NPHP1: variants seen among roughly 807,000 people sequenced by gnomAD.
The protein encoded by NPHP1 is nephrocystin-1.
A neutral mutation model predicts 90.4 loss-of-function variants in NPHP1; 70 were observed. The ratio of observed to expected loss-of-function variants is 0.77; its 90% CI spans 0.64 to 0.95. The LOEUF is 0.95. Among genes scored for constraint, NPHP1 ranks in the 40% least tolerant of loss-of-function variants. The probability of loss-of-function intolerance (pLI) is 0.00; values close to 1 mark genes in which losing one functional copy is unlikely to be tolerated. For synonymous variants in NPHP1, 256 were observed against 271.7 expected (o/e 0.94, Z 0.57); for missense variants, 764 against 795.9 (o/e 0.96, Z 0.48).
chr2:110,165,196 C>T (rs1450158447), intron 6 of NPHP1, 41 bp from the exon 7 acceptor site: 4 of 1,457,520 alleles, frequency 2.7e-6, no homozygotes, highest in South Asian at 1.1e-5. Flanking sequence ...TTAACTAATG[C>T]AAAAAACAAC....
intron 11 of NPHP1, among the ~76,000 whole-genome samples, chr2:110,151,479 T>G (rs1346053747): frequency 6.6e-6 from 1 of 152,136 alleles, no homozygotes; most frequent in Non-Finnish European, 1.5e-5. Flanking sequence ...ATTTTTATTT[T>G]AGATGAAAAT....
At chr2:110,135,440 G>A (rs1680103821) in intron 16 of NPHP1, among the ~76,000 whole-genome samples, 1 of 118,926 alleles carries the variant, frequency 8.4e-6, no homozygotes, top group South Asian at 2.7e-4. Context: ...TTGCGCCACC[G>A]CACTCCAACC....
At chr2:110,141,986 A>AAAG (rs1680678093) in intron 16 of NPHP1, among the ~76,000 whole-genome samples, 2 of 151,212 alleles carry the variant, frequency 1.3e-5, no homozygotes, top group African/African-American at 4.9e-5. Context: ...AAAAAAAAAA[A>AAAG]AAAGAAAGAA....
At chr2:110,147,757 C>A (rs1320295014) in intron 13 of NPHP1, among the ~76,000 whole-genome samples, 159 bp downstream of exon 13, 1 of 152,136 alleles carries the variant, frequency 6.6e-6, no homozygotes, top group African/African-American at 2.4e-5. Context: ...GAAAACAAAT[C>A]AGCACACATA....
In NPHP1 at chr2:110,144,515, C is replaced by T. The variant is rs1284022173; in HGVS notation, c.1407G>A (p.Val469=). The change falls in exon 15 of 20, where the codon GTG becomes GTA. Residue 469 remains valine (V), a synonymous_variant. Coordinates refer to ENST00000445609, the MANE Select transcript of NPHP1 (RefSeq NM_001128178.3). The part of the protein sequence containing the change: ...GGTPYEKGIE[V]DPSISRRAHG... The stretch of plus-strand genomic sequence containing the variant: ...TACCTCTTCTGGATATTGAAGGGTC[C>T]ACTTCAATACCTTTTTCATAAGGAG... 5.6e-6 allele frequency: 9 copies of T among 1,606,310 alleles called. No homozygotes were observed. The highest frequency in any genetic ancestry group is 7.7e-6 in the Non-Finnish European group (9 of 1,173,138).
rs1247555786 is a variant in NPHP1 at position 110,163,316 on chromosome 2, C to T, written c.772-181G>A. On this transcript the variant is annotated intron_variant, in intron 8 of 19. Coordinates refer to ENST00000445609, the MANE Select transcript of NPHP1 (RefSeq NM_001128178.3). Reference sequence around the variant, plus strand: ...GGATGCCATCACAGCACCCTGGCCTCTCCTAAGGACCTAAGCCCCATACAG... The same window carrying T: ...GGATGCCATCACAGCACCCTGGCCTTTCCTAAGGACCTAAGCCCCATACAG... 23 of 608,442 alleles carry T rather than the reference C, an allele frequency of 3.8e-5. No homozygotes were observed. In the East Asian group the frequency reaches 5.5e-4, roughly 15 times the overall value. 37.7% of individuals were successfully genotyped at this position (608,442 alleles called of 1,614,324 possible).
rs376974221 is a variant in NPHP1 at position 110,178,422 on chromosome 2, C to T, written c.329+1G>A. The T allele has an allele frequency of 1.9e-6, 3 of 1,613,498 alleles. No individual in the cohort carries two copies. Among genetic ancestry groups the T allele is most frequent in the Non-Finnish European group, 2.5e-6 (3 of 1,179,766 alleles). On this transcript the variant is annotated splice_donor_variant, in intron 4 of 19. Transcript: ENST00000445609. LOFTEE classifies it high-confidence loss of function. ...AAAAGAAAGGTAGAAAGGAAGCATA[C>T]TCAGTTATATTTTCTCTGCTTATTG...
intron 11 of NPHP1, among the ~76,000 whole-genome samples, chr2:110,151,835 C>T (rs1232775952): frequency 6.6e-6 from 1 of 152,118 alleles, no homozygotes; most frequent in African/African-American, 2.4e-5. Context: ...TTCTAATGGC[C>T]AAGAAGTCCT....
chr2:110,186,163 G>C (rs1415205478), intron 2 of NPHP1, among the ~76,000 whole-genome samples: 1 of 152,110 alleles, frequency 6.6e-6, no homozygotes, highest in African/African-American at 2.4e-5. Flanking sequence ...TATACTCAAA[G>C]ACACTCCCAC....
At chr2:110,199,079 G>A (rs775313592) in intron 2 of NPHP1, among the ~76,000 whole-genome samples, 1 of 151,948 alleles carries the variant, frequency 6.6e-6, no homozygotes, top group African/African-American at 2.4e-5. Context: ...TATGAAAACA[G>A]GAACATGATG....
chr2:110,155,736 A>G (rs1202752803), intron 11 of NPHP1, among the ~76,000 whole-genome samples: 3 of 152,144 alleles, frequency 2.0e-5, no homozygotes, highest in Admixed American at 2.0e-4. Flanking sequence ...GGCTGCATTT[A>G]CCCAATGCCT....
chr2:110,182,415 C>A (rs1183318498), intron 2 of NPHP1, among the ~76,000 whole-genome samples: 1 of 151,698 alleles, frequency 6.6e-6, no homozygotes, highest in Non-Finnish European at 1.5e-5. Context: ...AAAGGAAGCT[C>A]ATCAGACTAA....
intron 15 of NPHP1, 34 bp from the exon 16 acceptor site, chr2:110,143,675 T>C (rs766016349): frequency 1.1e-5 from 15 of 1,407,856 alleles, no homozygotes; most frequent in Middle Eastern, 1.8e-4. Flanking sequence ...CTCACGAAAC[T>C]TTAAGTACTT....
chr2:110,146,671 A>C (rs1681072786), intron 14 of NPHP1, 82 bp downstream of exon 14: 3 of 1,017,002 alleles, frequency 2.9e-6, no homozygotes, highest in Admixed American at 1.7e-5. Context: ...GCATGCTCAT[A>C]GAACAAACCT....
chr2:110,198,821 G>A lies in NPHP1; in HGVS notation c.143+2600C>T, dbSNP rs549928313. On this transcript the variant is annotated intron_variant, in intron 2 of 19. Coordinates refer to ENST00000445609, the MANE Select transcript of NPHP1 (RefSeq NM_001128178.3). The stretch of plus-strand genomic sequence containing the variant: ...CCCCTCTCTATCTAACAGTAGAAAA[G>A]CCCATGAGAGCTCTCTGGAATAATC... 1.2e-4 allele frequency among the ~76,000 whole-genome samples: 18 copies of A among 152,170 alleles called. 1 individual carries two copies. The South Asian group carries it at 2.5e-3, about 21-fold the overall frequency.
At chr2:110,197,147 G>A (rs1265906813) in intron 2 of NPHP1, among the ~76,000 whole-genome samples, 5 of 152,102 alleles carry the variant, frequency 3.3e-5, no homozygotes, top group African/African-American at 4.8e-5. Context: ...TATTAGAGGA[G>A]GGAGAGCATC....
intron 12 of NPHP1, 143 bp downstream of exon 12, chr2:110,150,038 GA>G (rs1266998574): frequency 1.4e-6 from 1 of 733,490 alleles, no homozygotes; most frequent in African/African-American, 1.7e-5. Flanking sequence ...TCAGAAACAT[GA>G]GTAATTTTTA....
intron 2 of NPHP1, among the ~76,000 whole-genome samples, chr2:110,199,227 G>A (rs942954212): frequency 5.9e-5 from 9 of 152,062 alleles, no homozygotes; most frequent in Admixed American, 1.3e-4. Context: ...GAAGTCGGGA[G>A]TTTGAGAGCA....
At chr2:110,161,896 A>G (rs2104549394) in intron 9 of NPHP1, among the ~76,000 whole-genome samples, 199 bp from the exon 10 acceptor site, 1 of 152,302 alleles carries the variant, frequency 6.6e-6, no homozygotes, top group African/African-American at 2.4e-5. Context: ...ATACAAACAC[A>G]TAAAAGATCA....
Sources: allele counts gnomAD v4.1 joint callset (sites outside exome capture counted in the v4.1 genomes callset), GRCh38; gene constraint gnomAD v4.1.1; transcripts MANE v1.5; gene names NCBI Gene and HGNC (gene_info 2026-07-23, HGNC 2026-07-21).